CRY2: variants seen among roughly 807,000 people sequenced by gnomAD.
CRY2 encodes cryptochrome-2.
Under a neutral mutation model 69.5 loss-of-function variants are expected in CRY2, and 31 were observed. The ratio of observed to expected loss-of-function variants is 0.45; its 90% CI spans 0.34 to 0.60. The LOEUF (loss-of-function observed/expected upper bound fraction) is 0.60, where lower values mean the gene tolerates loss of function less well. Among genes scored for constraint, CRY2 ranks in the 20% least tolerant of loss-of-function variants. The probability of loss-of-function intolerance (pLI) is 0.02; values close to 1 mark genes in which losing one functional copy is unlikely to be tolerated. For synonymous variants in CRY2, 303 were observed against 312.2 expected, an observed-to-expected ratio of 0.97 and a Z score of 0.31; for missense variants, 606 against 797.8, an observed-to-expected ratio of 0.76 and a Z score of 2.90.
intron 1 of CRY2, among the ~76,000 whole-genome samples, chr11:45,847,995 G>A (rs369783514): frequency 6.6e-6 from 1 of 152,170 alleles, no homozygotes; most frequent in Non-Finnish European, 1.5e-5. Flanking sequence ...ACCCAAAGTC[G>A]ACCTGCCCAA....
Position 45,869,517 on chromosome 11 carries a change from C to G in CRY2, c.894C>G (p.Asn298Lys). 6.2e-7 allele frequency: 1 copy of G among 1,610,100 alleles called. No homozygotes were observed. The highest frequency in any genetic ancestry group is 1.1e-5 in the South Asian group (1 of 90,860). ...CCCCTACCTCTCAGGTGAAGCGGAA[C>G]AGCACACCTCCCCTCTCCCTATTTG... ...LWDLYKKVKR[N>K]STPPLSLFGQ... The change falls in exon 7 of 12, where the codon AAC (asparagine) becomes AAG (lysine). Residue 298 changes from asparagine (N) to lysine (K), a missense_variant. Physicochemically the swap from Asn to Lys is moderately conservative, Grantham distance 94. Coordinates refer to ENST00000616080, the MANE Select transcript of CRY2 (RefSeq NM_021117.5).
At chr11:45,854,693 A>C (rs1412809770) in intron 1 of CRY2, among the ~76,000 whole-genome samples, 1 of 152,206 alleles carries the variant, frequency 6.6e-6, no homozygotes, top group Non-Finnish European at 1.5e-5. Context: ...TGTCTCAAAA[A>C]GTAAATAAAT....
chr11:45,867,640 G>T lies in CRY2; in HGVS notation c.770G>T (p.Arg257Leu). Residue 257 changes from arginine to leucine, a missense_variant, in exon 6 of 12, where the codon CGA (arginine) becomes CTA (leucine). By Grantham distance (102) the Arg-to-Leu change is moderately radical. Transcript: ENST00000616080. ...KAWVANYERP[R>L]MNANSLLASP... ...TGGGTTGCCAACTATGAGAGACCCC[G>T]AATGAACGCCAACTCCCTCCTGGCC... 1 of 1,614,168 alleles carries T rather than the reference G, an allele frequency of 6.2e-7. No individual in the cohort carries two copies.
chr11:45,857,730 T>C (rs1342785546), intron 2 of CRY2, among the ~76,000 whole-genome samples: 3 of 152,232 alleles, frequency 2.0e-5, no homozygotes, highest in Admixed American at 6.5e-5. Flanking sequence ...GAAAATGTAA[T>C]TTAATAATAT....
intron 7 of CRY2, 36 bp downstream of exon 7, chr11:45,869,853 C>T (rs774579873): frequency 6.4e-6 from 10 of 1,572,896 alleles, no homozygotes; most frequent in East Asian, 4.5e-5. Context: ...GGCCTGTACC[C>T]TCTGGTCAGG....
chr11:45,849,821 C>A (rs2086182372), intron 1 of CRY2, among the ~76,000 whole-genome samples: 1 of 152,050 alleles, frequency 6.6e-6, no homozygotes, highest in African/African-American at 2.4e-5. Context: ...CAGGGTTTCA[C>A]CATGTTGGCT....
intron 5 of CRY2, among the ~76,000 whole-genome samples, chr11:45,862,490 A>G (rs1390709979): frequency 3.3e-5 from 5 of 152,242 alleles, no homozygotes; most frequent in African/African-American, 4.8e-5. Context: ...CTGAGGTCAC[A>G]AAGTTAGTAA....
At chr11:45,869,242 G>A (rs1288630047) in intron 6 of CRY2, among the ~76,000 whole-genome samples, 2 of 152,218 alleles carry the variant, frequency 1.3e-5, no homozygotes, top group African/African-American at 4.8e-5. Flanking sequence ...GAATCCTAGT[G>A]CAGAGTCCTG....
rs769583067 is a variant in CRY2 at position 45,870,905 on chromosome 11, C to T, written c.1613C>T (p.Ser538Leu). The change falls in exon 10 of 12, where the codon TCG becomes TTG. Residue 538 changes from serine (S) to leucine (L), a missense_variant. Coordinates refer to ENST00000616080, the MANE Select transcript of CRY2 (RefSeq NM_021117.5). The stretch of plus-strand genomic sequence containing the variant: ...AGTCACCCTGTGGCAGAGCCCAGCT[C>T]GAGCCAGGCTGGCAGCATGAGCAGT... ...DLSHPVAEPS[S>L]SQAGSMSSAG... is the part of the protein sequence containing the mutation. The T allele has an allele frequency of 5.3e-5, 86 of 1,612,500 alleles. No homozygotes were observed. The highest frequency in any genetic ancestry group is 6.4e-5 in the Non-Finnish European group (76 of 1,179,982).
chr11:45,875,689 G>A (rs117656239), intron 11 of CRY2, among the ~76,000 whole-genome samples: 100 of 152,240 alleles, frequency 6.6e-4, no homozygotes, highest in Non-Finnish European at 1.1e-3. Flanking sequence ...CTGGGGTGGT[G>A]CAGACTTCCC....
At chr11:45,863,853 C>G (rs181340365) in intron 5 of CRY2, among the ~76,000 whole-genome samples, 12 of 152,154 alleles carry the variant, frequency 7.9e-5, no homozygotes, top group Admixed American at 6.5e-4. Context: ...GGCTGATTCT[C>G]CACAGGAATA....
In CRY2 at chr11:45,868,817, G is replaced by A. The variant is rs539251625; in HGVS notation, c.883-689G>A. 4.0e-5 allele frequency among the ~76,000 whole-genome samples: 6 copies of A among 151,870 alleles called. No homozygotes were observed. The South Asian group carries it at 1.2e-3, about 32-fold the overall frequency. ...CCTGGCTAATTTTTTGTATTTTTTT[G>A]TAGAAACTGGGTTTTTCCATGTTGC... On this transcript the variant is annotated intron_variant, in intron 6 of 11. Transcript: ENST00000616080.
rs757498146 is a variant in CRY2, at chr11:45,847,517, A to G, written c.27A>G (p.Ala9=). The G allele has an allele frequency of 6.9e-6, 11 of 1,591,082 alleles. No homozygotes were observed. Among genetic ancestry groups the G allele is most frequent in the Non-Finnish European group, 9.4e-6 (11 of 1,173,246 alleles). Residue 9 remains alanine (A), a synonymous_variant, in exon 1 of 12, where the codon GCA becomes GCG. Coordinates refer to ENST00000616080, the MANE Select transcript of CRY2 (RefSeq NM_021117.5). ...TGGCGGCGACTGTGGCGACGGCGGC[A>G]GCTGTGGCCCCGGCGCCAGCGCCCG... MAATVATA[A]AVAPAPAPGT...
intron 1 of CRY2, among the ~76,000 whole-genome samples, chr11:45,849,622 A>T (rs1190203438): frequency 2.8e-5 from 4 of 141,124 alleles, no homozygotes; most frequent in African/African-American, 5.3e-5. Flanking sequence ...CCCCAATTCT[A>T]TTTTTTTTTT....
intron 10 of CRY2, among the ~76,000 whole-genome samples, chr11:45,871,873 G>T (rs575783678): frequency 6.6e-5 from 10 of 152,302 alleles, no homozygotes; most frequent in African/African-American, 2.4e-4. Flanking sequence ...CCAAAAGCTG[G>T]TCCTGCTACC....
Position 45,847,533 on chromosome 11 carries a change from C to T in CRY2, c.43C>T (p.Pro15Ser), listed in dbSNP as rs2086160304. 1 of 1,586,538 alleles carries T rather than the reference C, an allele frequency of 6.3e-7. No individual in the cohort carries two copies. The highest frequency in any genetic ancestry group is 1.1e-5 in the South Asian group (1 of 88,472). Residue 15 changes from proline (P) to serine (S), a missense_variant, in exon 1 of 12, where the codon CCA (proline) becomes TCA (serine). Physicochemically the swap from Pro to Ser is moderately conservative, Grantham distance 74 (BLOSUM62 -1). This residue lies in a region of CRY2 where 45 missense variants were observed against 35.7 expected (regional missense o/e 1.26). Transcript: ENST00000616080. ...VATAAAVAPA[P>S]APGTDSASSV... is the part of the protein sequence containing the mutation. Reference sequence around the variant, plus strand: ...GACGGCGGCAGCTGTGGCCCCGGCGCCAGCGCCCGGCACGGACAGCGCCTC... The same window carrying T: ...GACGGCGGCAGCTGTGGCCCCGGCGTCAGCGCCCGGCACGGACAGCGCCTC...
At chr11:45,853,183 GAAT>G (rs1471909314) in intron 1 of CRY2, among the ~76,000 whole-genome samples, 1 of 152,172 alleles carries the variant, frequency 6.6e-6, no homozygotes, top group Non-Finnish European at 1.5e-5. Flanking sequence ...TATAAAATGG[GAAT>G]AATAATATTA....
At chr11:45,875,311 G>A (rs984808477) in intron 11 of CRY2, among the ~76,000 whole-genome samples, 1 of 152,206 alleles carries the variant, frequency 6.6e-6, no homozygotes, top group African/African-American at 2.4e-5. Flanking sequence ...AGTTGGGTCT[G>A]ATTATGGAGG....
intron 5 of CRY2, among the ~76,000 whole-genome samples, chr11:45,863,674 G>A (rs2086306797): frequency 6.6e-6 from 1 of 151,100 alleles, no homozygotes; most frequent in Non-Finnish European, 1.5e-5. Context: ...AAGTCCCAAG[G>A]CATGTTTTCA....
Sources: gnomAD v4.1 joint callset for allele counts (sites outside exome capture counted in the v4.1 genomes callset) on GRCh38, gnomAD v4.1.1 for gene constraint, gnomAD v4.1.1 regional missense constraint, MANE v1.5 for transcripts, NCBI Gene and HGNC (gene_info 2026-07-23, HGNC 2026-07-21) for gene names.